The following HS3ST2 variants were observed in gnomAD, a reference collection of about 807,000 sequenced individuals.
HS3ST2 encodes the protein heparan sulfate glucosamine 3-O-sulfotransferase 2.
Under a neutral mutation model 26.3 loss-of-function variants are expected in HS3ST2, and 17 were observed. The ratio of observed to expected loss-of-function variants is 0.65; its 90% confidence interval spans 0.44 to 0.97. The LOEUF (loss-of-function observed/expected upper bound fraction) is 0.97, where lower values mean the gene tolerates loss of function less well. Ranked by LOEUF, HS3ST2 falls within the 50% of genes least tolerant of loss-of-function variation. The pLI is 0.00. For missense variants in HS3ST2, 402 were observed against 501.2 expected, an observed-to-expected ratio of 0.80 and a Z score of 1.89; for synonymous variants, 237 against 219.2, an observed-to-expected ratio of 1.08 and a Z score of -0.72.
intron 1 of HS3ST2, among the ~76,000 whole-genome samples, chr16:22,848,598 T>G (rs573006946): frequency 6.6e-6 from 1 of 152,152 alleles, no homozygotes; most frequent in Non-Finnish European, 1.5e-5. Context: ...AGAAAGGAAT[T>G]CTCTACCTTC....
At chr16:22,861,049 A>C (rs557138813) in intron 1 of HS3ST2, among the ~76,000 whole-genome samples, 1 of 151,832 alleles carries the variant, frequency 6.6e-6, no homozygotes, top group East Asian at 1.9e-4. Context: ...AATTTTTAAA[A>C]ATTTTTTTGT....
chr16:22,864,882 C>CAAAAAAAAAAAAAAAAA (rs34942780), intron 1 of HS3ST2, among the ~76,000 whole-genome samples: 1 of 57,170 alleles, frequency 1.7e-5, no homozygotes, highest in African/African-American at 6.4e-5. Flanking sequence ...CCTGTCTCCA[C>CAAAAAAAAAAAAAAAAA]AAAAAAAAAA....
chr16:22,879,780 T>C (rs1232444625), intron 1 of HS3ST2, among the ~76,000 whole-genome samples: 2 of 152,092 alleles, frequency 1.3e-5, no homozygotes, highest in East Asian at 1.9e-4. Flanking sequence ...GCTGAATTCT[T>C]CCTCCAATAT....
At chr16:22,844,501 T>C (rs1465068574) in intron 1 of HS3ST2, among the ~76,000 whole-genome samples, 1 of 152,140 alleles carries the variant, frequency 6.6e-6, no homozygotes, top group Non-Finnish European at 1.5e-5. Context: ...CTTCAGTCTT[T>C]CTGGGAGGGA....
rs191030601 is a variant in HS3ST2, at chr16:22,893,609, C to A, written c.486-21335C>A. The stretch of plus-strand genomic sequence containing the variant: ...TATTGATCTTGGTGGGATTTGGCAG[C>A]TTTTCTTTTTTCTTTTTTTCTTTTC... On this transcript the variant is annotated intron_variant, in intron 1 of 1. Coordinates refer to ENST00000261374, the MANE Select transcript of HS3ST2 (RefSeq NM_006043.2). Among the ~76,000 whole-genome samples the A allele has an allele frequency of 1.4e-4, 17 of 122,570 alleles. No homozygotes were observed. The East Asian group carries it at 3.9e-3, about 28-fold the overall frequency. 80.4% of individuals were successfully genotyped at this position (122,570 alleles called of 152,430 possible).
intron 1 of HS3ST2, among the ~76,000 whole-genome samples, chr16:22,912,139 A>T (rs1375575540): frequency 6.6e-6 from 1 of 151,896 alleles, no homozygotes; most frequent in Non-Finnish European, 1.5e-5. Context: ...CACACAAAAA[A>T]CCCCAAAACA....
Position 22,915,625 on chromosome 16 carries a change from CA to C in HS3ST2, c.*64del, listed in dbSNP as rs1302722679. 3.9e-6 allele frequency: 6 copies of C among 1,525,464 alleles called. No individual in the cohort carries two copies. The East Asian group carries it at 1.4e-4, about 34-fold the overall frequency. 94.5% of individuals were successfully genotyped at this position (1,525,464 alleles called of 1,614,324 possible). On this transcript the variant is annotated 3_prime_UTR_variant, in exon 2 of 2. Transcript: ENST00000261374. The stretch of plus-strand genomic sequence containing the variant: ...TCATCTCTTCCGTGAGATTTGCTCC[CA>C]GACCCTCTGATCTCCCTCCAACAAA...
At chr16:22,902,378 C>CAAT (rs1244611139) in intron 1 of HS3ST2, among the ~76,000 whole-genome samples, 3 of 152,156 alleles carry the variant, frequency 2.0e-5, no homozygotes, top group Non-Finnish European at 4.4e-5. Flanking sequence ...CCTGCTTAGA[C>CAAT]AATAGTCCAG....
chr16:22,869,098 ATGT>A (rs1459916415), intron 1 of HS3ST2, among the ~76,000 whole-genome samples: 1 of 151,756 alleles, frequency 6.6e-6, no homozygotes, highest in Non-Finnish European at 1.5e-5. Context: ...AATGAGATTT[ATGT>A]TGTTGTTGGA....
At chr16:22,860,874 A>G (rs1239698067) in intron 1 of HS3ST2, among the ~76,000 whole-genome samples, 1 of 150,684 alleles carries the variant, frequency 6.6e-6, no homozygotes, top group Non-Finnish European at 1.5e-5. Context: ...TATGTATTTA[A>G]TATAATTATA....
rs80050039 is a variant in HS3ST2 at position 22,909,483 on chromosome 16, T to C, written c.486-5461T>C. ...AAAGATGAGCCCCAAGGAAGTCTAA[T>C]CACGTCTTCCTCCAATGTGCACAGG... is the stretch of plus-strand genomic sequence containing the variant. On this transcript the variant is annotated intron_variant, in intron 1 of 1. Transcript: ENST00000261374. Among the ~76,000 whole-genome samples the C allele has an allele frequency of 2.3e-3, 343 of 152,292 alleles. 2 individuals are homozygous for C. The highest frequency in any genetic ancestry group is 8.0e-3 in the African/African-American group (332 of 41,554).
At chr16:22,834,786 C>T (rs1488363443) in intron 1 of HS3ST2, among the ~76,000 whole-genome samples, 1 of 152,020 alleles carries the variant, frequency 6.6e-6, no homozygotes, top group African/African-American at 2.4e-5. Context: ...CTTTTTTCCA[C>T]ATCCTTGTCA....
chr16:22,815,870 A>C (rs1454135937), intron 1 of HS3ST2, among the ~76,000 whole-genome samples: 3 of 152,254 alleles, frequency 2.0e-5, no homozygotes, highest in Non-Finnish European at 4.4e-5. Flanking sequence ...GGTGTAAAAA[A>C]GGCACTTCAC....
chr16:22,908,842 C>T (rs1029342337), intron 1 of HS3ST2, among the ~76,000 whole-genome samples: 1 of 152,074 alleles, frequency 6.6e-6, no homozygotes, highest in Non-Finnish European at 1.5e-5. Flanking sequence ...TTGGAGGGGA[C>T]AAATATTCAA....
chr16:22,833,562 T>G, intron 1 of HS3ST2: 6 of 333,820 alleles, frequency 1.8e-5, no homozygotes, highest in Non-Finnish European at 3.5e-5. Flanking sequence ...TTTTGGGGAG[T>G]CTACTACTCT....
intron 1 of HS3ST2, among the ~76,000 whole-genome samples, chr16:22,906,306 A>G (rs1413689487): frequency 1.3e-5 from 2 of 152,104 alleles, no homozygotes; most frequent in East Asian, 3.9e-4. Context: ...GGGAGGTGGA[A>G]GTGGCAGTGA....
intron 1 of HS3ST2, among the ~76,000 whole-genome samples, chr16:22,844,969 C>G (rs1039640462): frequency 2.6e-5 from 4 of 151,846 alleles, no homozygotes; most frequent in African/African-American, 7.3e-5. Flanking sequence ...ATTCTCTTGC[C>G]TCAGCCTCCC....
chr16:22,847,489 A>G (rs913219327), intron 1 of HS3ST2, among the ~76,000 whole-genome samples: 2 of 152,210 alleles, frequency 1.3e-5, no homozygotes, highest in Non-Finnish European at 2.9e-5. Flanking sequence ...ATTAAAGCCC[A>G]TGTGCAAATT....
chr16:22,875,337 T>G (rs544556575), intron 1 of HS3ST2, among the ~76,000 whole-genome samples: 2 of 152,140 alleles, frequency 1.3e-5, no homozygotes, highest in Non-Finnish European at 2.9e-5. Flanking sequence ...ACTCACACAC[T>G]TGTTATTGAA....
Sources: allele counts gnomAD v4.1 joint callset (sites outside exome capture counted in the v4.1 genomes callset), GRCh38; gene constraint gnomAD v4.1.1; transcripts MANE v1.5; gene names NCBI Gene and HGNC (gene_info 2026-07-23, HGNC 2026-07-21).